The following ROBO2 variants were observed in gnomAD, a reference collection of about 807,000 sequenced individuals.
ROBO2 encodes roundabout guidance receptor 2.
Under a neutral mutation model 160.8 loss-of-function variants are expected in ROBO2, and 53 were observed. The ratio of observed to expected loss-of-function variants is 0.33; its 90% CI spans 0.26 to 0.41. The LOEUF is 0.41. ROBO2 is among the 10% of genes least tolerant of loss of function. The pLI is 1.00. For synonymous variants in ROBO2, 664 were observed against 611.7 expected (o/e 1.09, Z -1.26); for missense variants, 1,577 against 1,722.4 (o/e 0.92, Z 1.49).
chr3:77,261,878 C>T (rs2058799789), intron 2 of ROBO2, among the ~76,000 whole-genome samples: 1 of 151,830 alleles, frequency 6.6e-6, no homozygotes, highest in African/African-American at 2.4e-5. Context: ...AGCAATCTTC[C>T]CACCTTGGCC....
intron 2 of ROBO2, among the ~76,000 whole-genome samples, chr3:77,388,187 A>G (rs570873497): frequency 2.3e-4 from 35 of 152,024 alleles, no homozygotes; most frequent in Non-Finnish European, 4.6e-4. Flanking sequence ...GTTTTTTTGT[A>G]AAGGTACTAT....
At chr3:77,218,689 G>C (rs530972199) in intron 2 of ROBO2, among the ~76,000 whole-genome samples, 1 of 152,174 alleles carries the variant, frequency 6.6e-6, no homozygotes, top group South Asian at 2.1e-4. Context: ...ATACTTTCCT[G>C]TAGAGGAAGT....
chr3:76,477,626 TA>T (rs1303728349), intron 2 of ROBO2, among the ~76,000 whole-genome samples: 11 of 152,160 alleles, frequency 7.2e-5, no homozygotes, highest in African/African-American at 2.7e-4. Flanking sequence ...AAAAAAATTT[TA>T]AAAGGTAAGA....
chr3:77,201,331 G>A (rs1428338211), intron 2 of ROBO2, among the ~76,000 whole-genome samples: 1 of 152,156 alleles, frequency 6.6e-6, no homozygotes, highest in Admixed American at 6.5e-5. Flanking sequence ...TTTTATAAAT[G>A]TTATAGGATA....
chr3:76,213,436 T>A (rs1703280028), intron 2 of ROBO2, among the ~76,000 whole-genome samples: 1 of 152,192 alleles, frequency 6.6e-6, no homozygotes, highest in Non-Finnish European at 1.5e-5. Context: ...GACTATACTC[T>A]TAGTGTTTAT....
At chr3:76,603,941 G>T (rs2087441686) in intron 2 of ROBO2, among the ~76,000 whole-genome samples, 1 of 152,154 alleles carries the variant, frequency 6.6e-6, no homozygotes, top group Non-Finnish European at 1.5e-5. Context: ...CTTAGTGCAG[G>T]TAATAATTAA....
At chr3:76,379,076 A>G (rs910387861) in intron 2 of ROBO2, among the ~76,000 whole-genome samples, 4 of 152,176 alleles carry the variant, frequency 2.6e-5, no homozygotes, top group African/African-American at 9.7e-5. Context: ...GTGGGGACAG[A>G]AATAGGAAGC....
At chr3:77,345,442 A>C (rs186920979) in intron 2 of ROBO2, among the ~76,000 whole-genome samples, 3 of 152,254 alleles carry the variant, frequency 2.0e-5, no homozygotes, top group African/African-American at 7.2e-5. Flanking sequence ...GGAGATGGAG[A>C]TAATTGGTGG....
chr3:76,764,436 G>T, intron 2 of ROBO2, among the ~76,000 whole-genome samples: 1 of 151,576 alleles, frequency 6.6e-6, no homozygotes, highest in East Asian at 2.0e-4. Flanking sequence ...TATTTGCACA[G>T]ATTTTTAATA....
intron 2 of ROBO2, among the ~76,000 whole-genome samples, chr3:76,444,864 A>T (rs530666008): frequency 1.3e-5 from 2 of 152,292 alleles, no homozygotes; most frequent in East Asian, 3.9e-4. Flanking sequence ...TTACAATGTT[A>T]TTAAAAATTT....
chr3:75,911,558 T>TC (rs1248030089), intron 1 of ROBO2, among the ~76,000 whole-genome samples: 2 of 129,084 alleles, frequency 1.5e-5, no homozygotes, highest in Non-Finnish European at 3.2e-5. Context: ...GTTTCTTTTT[T>TC]TTTTTTTTTT....
At chr3:76,712,008 A>G (rs1039223273) in intron 2 of ROBO2, among the ~76,000 whole-genome samples, 1 of 152,196 alleles carries the variant, frequency 6.6e-6, no homozygotes, top group African/African-American at 2.4e-5. Context: ...GAATATAGGA[A>G]GTTTCCTCAA....
intron 2 of ROBO2, among the ~76,000 whole-genome samples, chr3:76,767,795 T>C (rs543240863): frequency 2.0e-5 from 3 of 151,542 alleles, no homozygotes; most frequent in South Asian, 2.1e-4. Flanking sequence ...CACTTCAATA[T>C]GTGTAAGGAT....
chr3:77,410,626 C>G (rs1290266581), intron 2 of ROBO2, among the ~76,000 whole-genome samples: 1 of 142,062 alleles, frequency 7.0e-6, no homozygotes, highest in Non-Finnish European at 1.5e-5. Flanking sequence ...TTCTTCTCCT[C>G]CTCTTCCTCC....
chr3:76,752,341 T>A (rs2060717029), intron 2 of ROBO2, among the ~76,000 whole-genome samples: 1 of 151,316 alleles, frequency 6.6e-6, no homozygotes, highest in Admixed American at 6.6e-5. Context: ...TAATGTTAAA[T>A]GACGAGTTAG....
At chr3:76,256,392 A>T (rs967086197) in intron 2 of ROBO2, among the ~76,000 whole-genome samples, 3 of 140,844 alleles carry the variant, frequency 2.1e-5, no homozygotes, top group African/African-American at 7.8e-5. Context: ...GGTATGGTTG[A>T]GTTCTCTAAG....
chr3:76,333,595 G>A (rs910663046), intron 2 of ROBO2, among the ~76,000 whole-genome samples: 11 of 152,108 alleles, frequency 7.2e-5, no homozygotes, highest in Non-Finnish European at 1.5e-4. Context: ...TTTATAAAAA[G>A]CATTCAACCA....
rs913954139 is a variant in ROBO2, at chr3:77,332,468, C to T, written c.389-144946C>T. 3.3e-5 allele frequency among the ~76,000 whole-genome samples: 5 copies of T among 152,118 alleles called. No homozygotes were observed. The East Asian group carries it at 5.8e-4, about 18-fold the overall frequency. On this transcript the variant is annotated intron_variant, in intron 2 of 25. Transcript: ENST00000461745. ...GAAATGCACTTTGTAGACTTGAATC[C>T]GACCCCATCAATTTCTTAGTGTGTA...
intron 2 of ROBO2, among the ~76,000 whole-genome samples, chr3:76,952,779 C>T (rs1384380397): frequency 1.3e-5 from 2 of 151,864 alleles, no homozygotes; most frequent in East Asian, 1.9e-4. Flanking sequence ...TTGTTTTTCT[C>T]CTCCAGCATG....
Sources: allele counts gnomAD v4.1 joint callset (sites outside exome capture counted in the v4.1 genomes callset), GRCh38; gene constraint gnomAD v4.1.1; transcripts MANE v1.5; gene names NCBI Gene and HGNC (gene_info 2026-07-23, HGNC 2026-07-21).